Variants in ASPH observed in about 807,000 individuals in gnomAD.
ASPH encodes aspartate beta-hydroxylase, also known as aspartyl/asparaginyl beta-hydroxylase.
A neutral mutation model predicts 118.4 loss-of-function variants in ASPH; 100 were observed. That is an observed-to-expected ratio of 0.84 (90% confidence interval 0.72 to 1.00). The LOEUF (loss-of-function observed/expected upper bound fraction) is 1.00, where lower values mean the gene tolerates loss of function less well. Ranked by LOEUF, ASPH falls within the 50% of genes least tolerant of loss-of-function variation. The probability of loss-of-function intolerance (pLI) is 0.00; values close to 1 mark genes in which losing one functional copy is unlikely to be tolerated. For missense variants in ASPH, 920 were observed against 919.5 expected (o/e 1.00, Z -0.01); for synonymous variants, 315 against 325.6 (o/e 0.97, Z 0.35).
intron 21 of ASPH, among the ~76,000 whole-genome samples, chr8:61,534,294 C>T (rs1312326028): frequency 6.6e-6 from 1 of 152,150 alleles, no homozygotes; most frequent in Non-Finnish European, 1.5e-5. Flanking sequence ...TCTTTCTTTA[C>T]TTTTACCTCC....
intron 24 of ASPH, among the ~76,000 whole-genome samples, chr8:61,508,031 T>C (rs74332967): frequency 0.035 from 5,309 of 152,232 alleles, 129 homozygotes; most frequent in Middle Eastern, 0.075. Context: ...CTTTATTTTT[T>C]TCAAGACAGG....
At chr8:61,559,312 G>A (rs1828969587) in intron 18 of ASPH, among the ~76,000 whole-genome samples, 3 of 152,178 alleles carry the variant, frequency 2.0e-5, no homozygotes, top group African/African-American at 7.2e-5. Context: ...GGTGGCTTCT[G>A]GTCAACAGCA....
chr8:61,698,806 A>G (rs1252930855), intron 1 of ASPH, among the ~76,000 whole-genome samples: 1 of 152,258 alleles, frequency 6.6e-6, no homozygotes, highest in Admixed American at 6.5e-5. Flanking sequence ...AGAAGACCAA[A>G]TATATATTTC....
chr8:61,593,544 A>T (rs1381377260), intron 14 of ASPH, among the ~76,000 whole-genome samples: 1 of 152,228 alleles, frequency 6.6e-6, no homozygotes, highest in Non-Finnish European at 1.5e-5. Flanking sequence ...TATAAAGGGC[A>T]ATTGTTTTCA....
At chr8:61,557,150 T>A (rs1669200630) in intron 18 of ASPH, among the ~76,000 whole-genome samples, 1 of 152,160 alleles carries the variant, frequency 6.6e-6, no homozygotes, top group East Asian at 1.9e-4. Flanking sequence ...TCACTGCAGA[T>A]CCTCTGCACA....
At chr8:61,561,568 T>C (rs1348747440) in intron 18 of ASPH, among the ~76,000 whole-genome samples, 3 of 152,214 alleles carry the variant, frequency 2.0e-5, no homozygotes, top group Non-Finnish European at 4.4e-5. Flanking sequence ...AGTACCGCTT[T>C]GAGGATAGAC....
intron 21 of ASPH, among the ~76,000 whole-genome samples, chr8:61,528,368 C>T (rs765386117): frequency 1.3e-5 from 2 of 152,226 alleles, no homozygotes; most frequent in Non-Finnish European, 2.9e-5. Flanking sequence ...ATTGCCAACA[C>T]TCACTCTGGA....
At chr8:61,579,044 G>T in intron 15 of ASPH, 1 of 1,610,796 alleles carries the variant, frequency 6.2e-7, no homozygotes. Context: ...ACCAAAGACG[G>T]GCTGAGGCTG....
chr8:61,526,643 A>C (rs1442377633), intron 21 of ASPH, among the ~76,000 whole-genome samples: 1 of 152,224 alleles, frequency 6.6e-6, no homozygotes, highest in African/African-American at 2.4e-5. Flanking sequence ...AAACCAAAAC[A>C]AATAAATGCA....
intron 3 of ASPH, among the ~76,000 whole-genome samples, chr8:61,679,592 A>T (rs1385343794): frequency 6.6e-6 from 1 of 152,026 alleles, no homozygotes; most frequent in African/African-American, 2.4e-5. Context: ...AATAAAATGC[A>T]GTAGATGAGA....
intron 6 of ASPH, among the ~76,000 whole-genome samples, chr8:61,644,967 C>T (rs2350587): frequency 0.84 from 127,006 of 152,040 alleles, 53,192 homozygotes; most frequent in African/African-American, 0.88. Flanking sequence ...AATGTGCTAT[C>T]TCCTCGACCT....
intron 10 of ASPH, among the ~76,000 whole-genome samples, chr8:61,641,183 A>C (rs1804963316): frequency 6.6e-6 from 1 of 152,188 alleles, no homozygotes; most frequent in Admixed American, 6.5e-5. Context: ...CTAACATTTT[A>C]AATTACATTT....
At chr8:61,668,241 C>T in intron 3 of ASPH, 2 of 1,608,850 alleles carry the variant, frequency 1.2e-6, no homozygotes, top group South Asian at 2.2e-5. Context: ...TACCTTTAGC[C>T]TTAGTTTTTC....
chr8:61,585,999 T>C lies in ASPH; in HGVS notation c.977-1970A>G, dbSNP rs149901574. On this transcript the variant is annotated intron_variant, in intron 14 of 24. Transcript: ENST00000379454. ...AGTGCTCAGTACCTGAGAGCTATTA[T>C]AATAATGGCTACGGCTTTCTGCAAA... Among the ~76,000 whole-genome samples the C allele has an allele frequency of 4.0e-3, 609 of 152,338 alleles. 2 individuals are homozygous for C. Among genetic ancestry groups the C allele is most frequent in the African/African-American group, 0.014 (591 of 41,572 alleles).
chr8:61,578,695 T>C lies in ASPH; in HGVS notation c.1063-1837A>G, dbSNP rs1013800964. 106 of 1,607,102 alleles carry C rather than the reference T, an allele frequency of 6.6e-5. No individual in the cohort carries two copies. The African/African-American group carries it at 6.7e-4, about 10-fold the overall frequency. ...CTGGAGACTCTGGGCCAGGAGAAGC[T>C]GAAGCTGGAGGCGGAGCTTGGCAAC... On this transcript the variant is annotated intron_variant, in intron 15 of 24. Transcript: ENST00000379454.
At chr8:61,652,285 G>A (rs953460628) in intron 4 of ASPH, among the ~76,000 whole-genome samples, 9 of 152,164 alleles carry the variant, frequency 5.9e-5, no homozygotes, top group African/African-American at 2.2e-4. Context: ...GTGGAGGGTG[G>A]TGCACTCTGC....
intron 21 of ASPH, among the ~76,000 whole-genome samples, chr8:61,544,972 A>C (rs1342132126): frequency 6.6e-6 from 1 of 152,192 alleles, no homozygotes; most frequent in Non-Finnish European, 1.5e-5. Context: ...AAACAGAAAG[A>C]GGTAAAGAAA....
intron 18 of ASPH, among the ~76,000 whole-genome samples, chr8:61,561,028 G>T (rs2131438294): frequency 1.4e-5 from 2 of 144,756 alleles, no homozygotes; most frequent in African/African-American, 5.1e-5. Context: ...GGAAGGGAAT[G>T]AGGAGTAAGG....
intron 13 of ASPH, among the ~76,000 whole-genome samples, chr8:61,622,797 GAAGT>G (rs1851446342): frequency 6.6e-6 from 1 of 152,310 alleles, no homozygotes; most frequent in East Asian, 1.9e-4. Context: ...CTTGCAGGCA[GAAGT>G]AATACTTATC....
Sources: allele counts gnomAD v4.1 joint callset (sites outside exome capture counted in the v4.1 genomes callset), GRCh38; gene constraint gnomAD v4.1.1; transcripts MANE v1.5; gene names NCBI Gene and HGNC (gene_info 2026-07-23, HGNC 2026-07-21).